KCNT1: variants seen among roughly 807,000 people sequenced by gnomAD.
The protein encoded by KCNT1 is potassium sodium-activated channel subfamily T member 1.
Under a neutral mutation model 147.8 loss-of-function variants are expected in KCNT1, and 78 were observed. That is an observed-to-expected ratio of 0.53 (90% confidence interval 0.44 to 0.64). The LOEUF (loss-of-function observed/expected upper bound fraction) is 0.64. KCNT1 is among the 30% of genes least tolerant of loss of function. The probability of loss-of-function intolerance (pLI) is 0.00; values close to 1 mark genes in which losing one functional copy is unlikely to be tolerated. For missense variants in KCNT1, 1,419 were observed against 1,750.3 expected, an observed-to-expected ratio of 0.81 and a Z score of 3.38; for synonymous variants, 867 against 748.8, an observed-to-expected ratio of 1.16 and a Z score of -2.58.
intron 7 of KCNT1, 71 bp downstream of exon 7, chr9:135,757,003 C>CA: frequency 1.0e-6 from 1 of 997,540 alleles, no homozygotes. Context: ...CCTCCCCCAC[C>CA]TCCCCCACCC....
chr9:135,767,980 C>T (rs1404621050), intron 13 of KCNT1, among the ~76,000 whole-genome samples: 1 of 151,182 alleles, frequency 6.6e-6, no homozygotes, highest in Non-Finnish European at 1.5e-5. Context: ...CGCTGTCAGC[C>T]TGCACACACT....
intron 11 of KCNT1, among the ~76,000 whole-genome samples, chr9:135,762,361 G>A (rs78294797): frequency 1.3e-5 from 2 of 150,992 alleles, no homozygotes; most frequent in African/African-American, 4.9e-5. Context: ...CAGGAGAATC[G>A]CCTGAGCCCT....
intron 1 of KCNT1, among the ~76,000 whole-genome samples, chr9:135,708,832 A>G (rs1450952914): frequency 2.0e-5 from 3 of 152,204 alleles, no homozygotes; most frequent in Non-Finnish European, 4.4e-5. Flanking sequence ...GGCGTGAGGC[A>G]CCATGCTGGA....
At chr9:135,718,944 G>A (rs531403271) in intron 2 of KCNT1, among the ~76,000 whole-genome samples, 3 of 152,338 alleles carry the variant, frequency 2.0e-5, no homozygotes, top group Admixed American at 6.5e-5. Flanking sequence ...GGTACCGCCC[G>A]GTGGAGGAAG....
At chr9:135,754,917 T>C (rs1248459680) in intron 5 of KCNT1, among the ~76,000 whole-genome samples, 2 of 152,170 alleles carry the variant, frequency 1.3e-5, no homozygotes, top group Non-Finnish European at 2.9e-5. Context: ...GCAGTCCTGC[T>C]CCATCCTCCT....
At chr9:135,713,854 C>T (rs1181980799) in intron 1 of KCNT1, among the ~76,000 whole-genome samples, 39 of 152,198 alleles carry the variant, frequency 2.6e-4, no homozygotes, top group Non-Finnish European at 2.9e-5. Flanking sequence ...CACCAGGGGT[C>T]CTCCCACTCT....
In KCNT1 at chr9:135,775,409, G is replaced by A; in HGVS notation, c.2343G>A (p.Leu781=). Residue 781 remains leucine, a synonymous_variant, in exon 20 of 31, where the codon CTG becomes CTA. Transcript: ENST00000371757. ...AAGCCCCCTTCTGCTGCCTGCGGCTGGACAAGGTAAGGCTGGCGGCTCTGC... is the reference window on the plus strand; with the variant it reads ...AAGCCCCCTTCTGCTGCCTGCGGCTAGACAAGGTAAGGCTGGCGGCTCTGC... ...PVKAPFCCLR[L]DKGCKHNSYE... 1 of 1,609,690 alleles carries A rather than the reference G, an allele frequency of 6.2e-7. No homozygotes were observed. The highest frequency in any genetic ancestry group is 8.5e-7 in the Non-Finnish European group (1 of 1,177,836).
intron 5 of KCNT1, among the ~76,000 whole-genome samples, chr9:135,754,766 C>T (rs1462702088): frequency 6.6e-6 from 1 of 152,236 alleles, no homozygotes; most frequent in Non-Finnish European, 1.5e-5. Context: ...CAGTCTGGGG[C>T]CCAGGCTGCT....
rs553208215 is a variant in KCNT1 at position 135,770,373 on chromosome 9, C to A, written c.1695C>A (p.Arg565=). ...RCSGNEVYHI[R]MGDSKFFREY... ...CCGGCAACGAGGTGTACCACATCCG[C>A]ATGGGTGACAGCAAGTTCTTCCGCG... The change falls in exon 17 of 31, where the codon CGC becomes CGA. Residue 565 remains arginine, a synonymous_variant. Coordinates refer to ENST00000371757, the MANE Select transcript of KCNT1 (RefSeq NM_020822.3). 3.5e-5 allele frequency: 57 copies of A among 1,613,260 alleles called. 2 individuals carry two copies. The South Asian group carries it at 6.0e-4, about 17-fold the overall frequency.
In KCNT1 at chr9:135,792,426, G is replaced by A. The variant is rs914652316; in HGVS notation, c.*265G>A. ...CCACTTCTCTTTACACAGATGTACC[G>A]CAACTCGTGACCAGGGCTGGCTGGG... On this transcript the variant is annotated 3_prime_UTR_variant, in exon 31 of 31. Coordinates refer to ENST00000371757, the MANE Select transcript of KCNT1 (RefSeq NM_020822.3). The A allele has an allele frequency of 2.3e-5, 8 of 344,656 alleles. No individual in the cohort carries two copies. The highest frequency in any genetic ancestry group is 6.4e-5 in the African/African-American group (3 of 46,672). The allele number at this position is 344,656 out of a possible 1,614,324, so 21.3% of individuals were successfully genotyped here.
intron 17 of KCNT1, 86 bp downstream of exon 17, chr9:135,770,533 T>C: frequency 6.6e-7 from 1 of 1,504,146 alleles, no homozygotes; most frequent in Non-Finnish European, 8.9e-7. Context: ...GGCACAGGGG[T>C]GGCCCTGGGG....
At chr9:135,751,146 C>G in intron 4 of KCNT1, 105 bp downstream of exon 4, 1 of 1,097,044 alleles carries the variant, frequency 9.1e-7, no homozygotes, top group Non-Finnish European at 1.4e-6. Flanking sequence ...GCCCCTGTGC[C>G]TGGGGCCTTG....
At chr9:135,706,015 C>T (rs1273771803) in intron 1 of KCNT1, among the ~76,000 whole-genome samples, 4 of 152,070 alleles carry the variant, frequency 2.6e-5, no homozygotes, top group Non-Finnish European at 4.4e-5. Flanking sequence ...GCGGGCGCCC[C>T]GGGAGGAGCA....
At chr9:135,737,931 GGC>G (rs780913132) in intron 2 of KCNT1, among the ~76,000 whole-genome samples, 83 of 152,216 alleles carry the variant, frequency 5.5e-4, no homozygotes, top group Non-Finnish European at 8.7e-4. Flanking sequence ...CCGCCAGGGA[GGC>G]GAGCACTGGC....
intron 11 of KCNT1, among the ~76,000 whole-genome samples, chr9:135,764,218 C>T (rs536745075): frequency 3.2e-4 from 48 of 152,188 alleles, no homozygotes; most frequent in Admixed American, 5.2e-4. Context: ...CACTTCAGGA[C>T]GACAAGGCAG....
In KCNT1 at chr9:135,792,253, C is replaced by A. The variant is rs1588423824; in HGVS notation, c.*92C>A. 2.8e-6 allele frequency: 4 copies of A among 1,440,006 alleles called. No homozygotes were observed. The Admixed American group carries it at 6.4e-5, about 23-fold the overall frequency. The allele number at this position is 1,440,006 out of a possible 1,614,324, so 89.2% of individuals were successfully genotyped here. ...GAGGACACGGTGGCACTAGCGTGAC[C>A]CTGGGGATGGCACACTCTACTCACC... On this transcript the variant is annotated 3_prime_UTR_variant, in exon 31 of 31. Transcript: ENST00000371757.
intron 29 of KCNT1, among the ~76,000 whole-genome samples, chr9:135,787,460 C>G (rs1588411174): frequency 6.6e-6 from 1 of 152,226 alleles, no homozygotes; most frequent in Admixed American, 6.5e-5. Context: ...AGGGACTTGC[C>G]TGATGCTCAG....
Position 135,759,709 on chromosome 9 carries a change from G to A in KCNT1, c.885G>A (p.Ala295=), listed in dbSNP as rs142756900. Residue 295 remains alanine, a synonymous_variant, in exon 11 of 31, where the codon GCG becomes GCA. Transcript: ENST00000371757. ...GCGGCATCCAGCACCTGGAGCGGGCGGGCGAGAACCTGTCCCTCCTGACCT... is the reference window on the plus strand; with the variant it reads ...GCGGCATCCAGCACCTGGAGCGGGCAGGCGAGAACCTGTCCCTCCTGACCT... ...GTCGIQHLER[A]GENLSLLTSF... is the part of the protein sequence containing the mutation. 856 of 1,611,944 alleles carry A rather than the reference G, an allele frequency of 5.3e-4. 1 individual carries two copies. The highest frequency in any genetic ancestry group is 1.2e-3 in the Admixed American group (74 of 59,878).
intron 2 of KCNT1, among the ~76,000 whole-genome samples, chr9:135,721,993 C>T (rs956200635): frequency 3.3e-5 from 5 of 152,164 alleles, no homozygotes; most frequent in Non-Finnish European, 7.4e-5. Flanking sequence ...CAGGGGCTTG[C>T]GTTGCCTCCA....
Sources: gnomAD v4.1 joint callset for allele counts (sites outside exome capture counted in the v4.1 genomes callset) on GRCh38, gnomAD v4.1.1 for gene constraint, MANE v1.5 for transcripts, NCBI Gene and HGNC (gene_info 2026-07-23, HGNC 2026-07-21) for gene names.